Variants in CALN1 observed in about 807,000 individuals in gnomAD.
CALN1 encodes the protein calneuron 1.
In CALN1, 17 loss-of-function variants were observed where a neutral mutation model predicts 30.6. The observed-to-expected ratio is 0.56, with a 90% CI of 0.38 to 0.83. CALN1 has a LOEUF of 0.83. Among genes scored for constraint, CALN1 ranks in the 40% least tolerant of loss-of-function variants. The pLI is 0.00. For missense variants in CALN1, 291 were observed against 354.9 expected (o/e 0.82, Z 1.45); for synonymous variants, 156 against 131.4 (o/e 1.19, Z -1.28).
intron 2 of CALN1, among the ~76,000 whole-genome samples, chr7:72,283,781 CAGCAA>C (rs1180688267): frequency 3.9e-5 from 6 of 152,122 alleles, no homozygotes; most frequent in Admixed American, 3.9e-4. Context: ...CAGGTGTGAG[CAGCAA>C]AGCACCAGCG....
intron 2 of CALN1, among the ~76,000 whole-genome samples, chr7:72,345,467 A>AGAGAG (rs1491109826): frequency 6.8e-6 from 1 of 146,676 alleles, no homozygotes. Context: ...GACAAAAGAA[A>AGAGAG]GAGAGGGAAG....
chr7:72,393,009 AT>A (rs1411997519), intron 2 of CALN1, among the ~76,000 whole-genome samples: 20 of 152,154 alleles, frequency 1.3e-4, no homozygotes. Flanking sequence ...TAAAAAAAAA[AT>A]TAATACAAAC....
intron 2 of CALN1, among the ~76,000 whole-genome samples, chr7:72,396,231 C>T (rs56160502): frequency 4.8e-5 from 2 of 41,578 alleles, no homozygotes; most frequent in African/African-American, 1.7e-4. Context: ...ACTCTTGTCT[C>T]TACTAAAAAA....
intron 2 of CALN1, among the ~76,000 whole-genome samples, chr7:72,368,794 G>A (rs1041192758): frequency 1.4e-5 from 2 of 145,978 alleles, no homozygotes; most frequent in African/African-American, 5.0e-5. Context: ...CCATCACAGA[G>A]AATGGTTTGA....
At chr7:72,214,300 T>C (rs865860709) in intron 3 of CALN1, among the ~76,000 whole-genome samples, 3 of 152,048 alleles carry the variant, frequency 2.0e-5, no homozygotes, top group Admixed American at 1.3e-4. Flanking sequence ...GCCAACATGA[T>C]GAAACCCTGT....
chr7:71,890,001 T>G (rs1454096109), intron 5 of CALN1, among the ~76,000 whole-genome samples: 2 of 149,986 alleles, frequency 1.3e-5, no homozygotes, highest in Non-Finnish European at 3.0e-5. Context: ...CACTTTAGAG[T>G]GTAAATTCTC....
At chr7:71,916,506 C>A (rs1211443084) in intron 5 of CALN1, among the ~76,000 whole-genome samples, 1 of 152,056 alleles carries the variant, frequency 6.6e-6, no homozygotes, top group East Asian at 1.9e-4. Flanking sequence ...GGAATGAGAT[C>A]ATGTCCTTGC....
chr7:72,354,430 G>A (rs1421283869), intron 2 of CALN1, among the ~76,000 whole-genome samples: 1 of 152,076 alleles, frequency 6.6e-6, no homozygotes, highest in Non-Finnish European at 1.5e-5. Flanking sequence ...AAGCTGTTTT[G>A]CAAAATTTGA....
intron 5 of CALN1, among the ~76,000 whole-genome samples, chr7:71,859,405 C>T (rs1162503686): frequency 6.6e-6 from 1 of 152,194 alleles, no homozygotes; most frequent in Non-Finnish European, 1.5e-5. Flanking sequence ...CTAAGCCACT[C>T]TTCATGTTGA....
intron 3 of CALN1, among the ~76,000 whole-genome samples, chr7:72,268,765 C>A (rs1026738825): frequency 6.8e-6 from 1 of 146,306 alleles, no homozygotes; most frequent in African/African-American, 2.5e-5. Flanking sequence ...CCACTGCACT[C>A]CAGCCTGGGC....
At chr7:72,423,646 C>G (rs1807691029) in intron 1 of CALN1, among the ~76,000 whole-genome samples, 1 of 152,064 alleles carries the variant, frequency 6.6e-6, no homozygotes, top group African/African-American at 2.4e-5. Flanking sequence ...GATAATCCAG[C>G]CTCTCTGGAA....
intron 3 of CALN1, among the ~76,000 whole-genome samples, chr7:72,204,285 G>A (rs766705560): frequency 3.8e-4 from 58 of 151,546 alleles, no homozygotes; most frequent in African/African-American, 1.1e-3. Context: ...GTGAGCCACC[G>A]CACCCAGCCA....
intron 2 of CALN1, among the ~76,000 whole-genome samples, chr7:72,394,663 T>C (rs1205058995): frequency 3.2e-4 from 1 of 3,078 alleles, no homozygotes. Flanking sequence ...TACCATTGAC[T>C]TTTTTTTTTT....
intron 6 of CALN1, among the ~76,000 whole-genome samples, chr7:71,800,475 T>A (rs537945279): frequency 5.9e-5 from 9 of 152,272 alleles, no homozygotes; most frequent in Admixed American, 1.3e-4. Context: ...CAGTTGGTGA[T>A]TTCGCTTTAC....
intron 2 of CALN1, among the ~76,000 whole-genome samples, chr7:72,392,359 G>T (rs894561443): frequency 1.3e-5 from 2 of 152,184 alleles, no homozygotes; most frequent in Non-Finnish European, 2.9e-5. Flanking sequence ...CCGAGTTTGG[G>T]GCGGTTTATT....
At chr7:72,411,983 G>C (rs1262113061) in intron 1 of CALN1, 75 bp downstream of exon 1, 2 of 152,164 alleles carry the variant, frequency 1.3e-5, no homozygotes, top group African/African-American at 4.8e-5. Flanking sequence ...AAAGTACCCA[G>C]ATGGCTCCCA....
chr7:71,810,724 A>G (rs919782899), intron 5 of CALN1, among the ~76,000 whole-genome samples: 20 of 151,820 alleles, frequency 1.3e-4, no homozygotes, highest in Non-Finnish European at 2.6e-4. Flanking sequence ...CTTCTTGGAG[A>G]AAAAAAATGC....
intron 5 of CALN1, among the ~76,000 whole-genome samples, chr7:71,993,549 C>T (rs943616282): frequency 3.3e-5 from 5 of 151,718 alleles, no homozygotes; most frequent in African/African-American, 9.7e-5. Flanking sequence ...CTCTGCCTCC[C>T]GGGTTCAAGC....
At chr7:71,910,268 A>G (rs547880300) in intron 5 of CALN1, among the ~76,000 whole-genome samples, 4 of 152,330 alleles carry the variant, frequency 2.6e-5, no homozygotes, top group African/African-American at 9.6e-5. Context: ...GGGGAAAGAT[A>G]TGGAGAACCA....
Sources: gnomAD v4.1 joint callset for allele counts (sites outside exome capture counted in the v4.1 genomes callset) on GRCh38, gnomAD v4.1.1 for gene constraint, MANE v1.5 for transcripts, NCBI Gene and HGNC (gene_info 2026-07-23, HGNC 2026-07-21) for gene names.